Variants in CNTLN observed in about 807,000 individuals in gnomAD.
The protein encoded by CNTLN is centlein, also known as centlein, centrosomal protein.
Under a neutral mutation model 180.0 loss-of-function variants are expected in CNTLN, and 212 were observed. The observed-to-expected ratio is 1.18, with a 90% CI of 1.05 to 1.32. CNTLN has a LOEUF of 1.32. Ranked by LOEUF, CNTLN falls within the 40% of genes most tolerant of loss-of-function variation. CNTLN has a pLI of 0.00. For missense variants in CNTLN, 2,095 were observed against 1,610.9 expected (o/e 1.30, Z -5.14); for synonymous variants, 722 against 563.1 (o/e 1.28, Z -3.99).
chr9:17,326,899 G>C (rs10963035), intron 8 of CNTLN, among the ~76,000 whole-genome samples: 43,649 of 151,846 alleles, frequency 0.29, 6,635 homozygotes, highest in South Asian at 0.51. Context: ...GGAGATATAG[G>C]AACTAAATGT....
chr9:17,154,632 G>T (rs1819130454), intron 2 of CNTLN, among the ~76,000 whole-genome samples: 1 of 152,214 alleles, frequency 6.6e-6, no homozygotes, highest in Admixed American at 6.5e-5. Flanking sequence ...GTTGGGTGGG[G>T]ACTTGGAGAA....
At chr9:17,337,218 C>G (rs184763924) in intron 10 of CNTLN, among the ~76,000 whole-genome samples, 1 of 151,806 alleles carries the variant, frequency 6.6e-6, no homozygotes, top group African/African-American at 2.4e-5. Context: ...AGCCCTTTGT[C>G]AGATGGACAG....
intron 7 of CNTLN, among the ~76,000 whole-genome samples, chr9:17,305,768 T>C (rs1203214457): frequency 6.6e-6 from 1 of 152,248 alleles, no homozygotes; most frequent in African/African-American, 2.4e-5. Context: ...GCTGGAGGAC[T>C]ATCTTTGCTT....
intron 8 of CNTLN, among the ~76,000 whole-genome samples, chr9:17,325,374 ATGTATGTGTGTGTGTG>A (rs71916130): frequency 0.28 from 30,625 of 110,510 alleles, 3,295 homozygotes; most frequent in South Asian, 0.45. Context: ...GTGCATGTGT[ATGTATGTGTGTGTGTG>A]TGTGTGTGTG....
intron 25 of CNTLN, among the ~76,000 whole-genome samples, chr9:17,493,642 A>C (rs1450890229): frequency 6.6e-6 from 1 of 152,146 alleles, no homozygotes; most frequent in Non-Finnish European, 1.5e-5. Context: ...TTAGAGCTAG[A>C]TTTTTCCTTG....
intron 8 of CNTLN, among the ~76,000 whole-genome samples, chr9:17,312,488 G>T (rs1042505710): frequency 6.7e-6 from 1 of 149,668 alleles, no homozygotes; most frequent in Non-Finnish European, 1.5e-5. Context: ...CTGGGCTCAC[G>T]CCATTCTCCT....
chr9:17,289,593 C>A (rs1829226120), intron 6 of CNTLN, among the ~76,000 whole-genome samples: 1 of 132,134 alleles, frequency 7.6e-6, no homozygotes, highest in Non-Finnish European at 1.6e-5. Context: ...GGATAATATC[C>A]TGCAGAGTGT....
chr9:17,476,024 G>C (rs765008602), intron 23 of CNTLN, among the ~76,000 whole-genome samples: 6 of 151,950 alleles, frequency 3.9e-5, no homozygotes, highest in Non-Finnish European at 7.4e-5. Context: ...AAATCTGCCA[G>C]CTCTATTTTT....
intron 23 of CNTLN, among the ~76,000 whole-genome samples, chr9:17,471,365 C>T (rs960802190): frequency 1.3e-4 from 19 of 151,906 alleles, no homozygotes; most frequent in African/African-American, 4.4e-4. Context: ...GAAGTGGGAT[C>T]GTGTACTATA....
chr9:17,176,865 G>A (rs184335686), intron 2 of CNTLN, among the ~76,000 whole-genome samples: 5 of 152,228 alleles, frequency 3.3e-5, no homozygotes, highest in African/African-American at 4.8e-5. Flanking sequence ...TGTGTATAGC[G>A]TTGTTCACAG....
intron 12 of CNTLN, among the ~76,000 whole-genome samples, chr9:17,344,763 T>C (rs1472718573): frequency 1.3e-5 from 2 of 152,194 alleles, no homozygotes; most frequent in African/African-American, 4.8e-5. Context: ...TTGTATGTAG[T>C]ATGTTGAATG....
intron 18 of CNTLN, among the ~76,000 whole-genome samples, chr9:17,454,374 G>C (rs377093234): frequency 3.3e-5 from 5 of 152,222 alleles, no homozygotes; most frequent in South Asian, 2.1e-4. Flanking sequence ...AGATGTTTAG[G>C]AGACTGTAGA....
intron 6 of CNTLN, among the ~76,000 whole-genome samples, chr9:17,274,980 C>T (rs1243629553): frequency 6.6e-6 from 1 of 152,026 alleles, no homozygotes; most frequent in Non-Finnish European, 1.5e-5. Context: ...AAAACTTTCT[C>T]ATCATAAGGG....
At chr9:17,404,653 C>G (rs1587903463) in intron 15 of CNTLN, among the ~76,000 whole-genome samples, 1 of 151,838 alleles carries the variant, frequency 6.6e-6, no homozygotes, top group South Asian at 2.1e-4. Context: ...TCTGTATTTG[C>G]TGTCCTTGGC....
chr9:17,487,552 G>A (rs1319920941), intron 25 of CNTLN, among the ~76,000 whole-genome samples: 2 of 152,048 alleles, frequency 1.3e-5, no homozygotes, highest in Admixed American at 6.6e-5. Flanking sequence ...CTGAGACCTC[G>A]AGCAGCTTGT....
intron 12 of CNTLN, among the ~76,000 whole-genome samples, chr9:17,349,571 G>A (rs975245656): frequency 1.3e-5 from 2 of 152,050 alleles, no homozygotes; most frequent in East Asian, 1.9e-4. Flanking sequence ...TGCTACCACT[G>A]ACTGAAATTA....
the CNTLN span, among the ~76,000 whole-genome samples, chr9:17,520,118 GA>G: frequency 1.3e-5 from 2 of 152,194 alleles, no homozygotes; most frequent in African/African-American, 4.8e-5. Context: ...TGTAAAGGTA[GA>G]AAACTCTCTT....
chr9:17,318,910 ATATT>A (rs1819720091), intron 8 of CNTLN, among the ~76,000 whole-genome samples: 1 of 152,142 alleles, frequency 6.6e-6, no homozygotes, highest in Non-Finnish European at 1.5e-5. Context: ...TATGTAGGCA[ATATT>A]TATTAAAATC....
intron 8 of CNTLN, among the ~76,000 whole-genome samples, chr9:17,316,140 A>G (rs1328900945): frequency 6.6e-6 from 1 of 151,472 alleles, no homozygotes; most frequent in Non-Finnish European, 1.5e-5. Context: ...ATGTATTTTT[A>G]TAATTGTTAT....
Sources: allele counts gnomAD v4.1 joint callset (sites outside exome capture counted in the v4.1 genomes callset), GRCh38; gene constraint gnomAD v4.1.1; transcripts MANE v1.5; gene names NCBI Gene and HGNC (gene_info 2026-07-23, HGNC 2026-07-21).